Variants in CDH4 observed in about 807,000 individuals in gnomAD.
CDH4 encodes cadherin-4.
In CDH4, 33 loss-of-function variants were observed where a neutral mutation model predicts 86.0. The ratio of observed to expected loss-of-function variants is 0.38; its 90% CI spans 0.29 to 0.51. CDH4 has a LOEUF of 0.51. CDH4 is among the 20% of genes least tolerant of loss of function. The pLI, the probability that CDH4 is intolerant of heterozygous loss-of-function variation, is 0.86. For missense variants in CDH4, 1,114 were observed against 1,307.4 expected, an observed-to-expected ratio of 0.85 and a Z score of 2.28; for synonymous variants, 555 against 549.4, an observed-to-expected ratio of 1.01 and a Z score of -0.14.
intron 2 of CDH4, chr20:61,369,851 T>C (rs949328816): frequency 1.2e-4 from 18 of 152,188 alleles, no homozygotes; most frequent in African/African-American, 3.9e-4. Flanking sequence ...AGAAGGTGCC[T>C]GGCCACACAA....
chr20:61,415,538 T>C (rs1177654052), intron 2 of CDH4, among the ~76,000 whole-genome samples: 3 of 151,922 alleles, frequency 2.0e-5, no homozygotes, highest in African/African-American at 7.3e-5. Context: ...CCAGCCGCAC[T>C]CTCCCCCGCC....
chr20:61,866,945 G>A (rs1279626694), intron 6 of CDH4, among the ~76,000 whole-genome samples: 1 of 152,224 alleles, frequency 6.6e-6, no homozygotes, highest in Non-Finnish European at 1.5e-5. Flanking sequence ...CCAAAGAGGG[G>A]CCTCCCAAAG....
intron 2 of CDH4, among the ~76,000 whole-genome samples, chr20:61,329,424 C>T (rs1193685537): frequency 6.6e-6 from 1 of 151,350 alleles, no homozygotes; most frequent in Non-Finnish European, 1.5e-5. Context: ...GCGTGGAGGG[C>T]ACCCAGGTCC....
intron 2 of CDH4, among the ~76,000 whole-genome samples, chr20:61,600,836 T>A (rs1237225560): frequency 2.0e-5 from 3 of 152,242 alleles, no homozygotes; most frequent in Non-Finnish European, 2.9e-5. Flanking sequence ...CATATTTTTT[T>A]AAATATTTCG....
intron 2 of CDH4, among the ~76,000 whole-genome samples, chr20:61,332,118 C>T (rs2084584999): frequency 6.6e-6 from 1 of 152,192 alleles, no homozygotes; most frequent in South Asian, 2.1e-4. Flanking sequence ...CCCGGCTTCC[C>T]AGAGAAGAGG....
At chr20:61,414,834 C>T (rs1199469876) in intron 2 of CDH4, among the ~76,000 whole-genome samples, 3 of 152,318 alleles carry the variant, frequency 2.0e-5, no homozygotes, top group Admixed American at 6.5e-5. Context: ...CAGCCTGCCT[C>T]CTCCCGTGGT....
At chr20:61,729,123 T>C (rs1198126726) in intron 2 of CDH4, among the ~76,000 whole-genome samples, 29 of 152,002 alleles carry the variant, frequency 1.9e-4, no homozygotes, top group Admixed American at 1.9e-3. Context: ...GACTGCAGCG[T>C]GTTTTGACAA....
At chr20:61,594,918 ATTAG>A (rs1002673720) in intron 2 of CDH4, among the ~76,000 whole-genome samples, 14 of 152,108 alleles carry the variant, frequency 9.2e-5, no homozygotes, top group East Asian at 1.9e-4. Flanking sequence ...GTGGCCATTT[ATTAG>A]TTCTTCATTC....
At chr20:61,928,092 T>C in intron 11 of CDH4, 98 bp from the exon 12 acceptor site, 3 of 900,872 alleles carry the variant, frequency 3.3e-6, no homozygotes, top group Non-Finnish European at 5.4e-6. Flanking sequence ...CCTGTGTATG[T>C]TGCACGTGGT....
intron 2 of CDH4, among the ~76,000 whole-genome samples, chr20:61,523,700 G>A (rs960783889): frequency 5.9e-5 from 9 of 152,202 alleles, no homozygotes; most frequent in South Asian, 4.1e-4. Flanking sequence ...ACACGCTTCC[G>A]CCGCCCATTT....
chr20:61,886,588 C>T (rs1455987897), intron 7 of CDH4, among the ~76,000 whole-genome samples: 9 of 152,198 alleles, frequency 5.9e-5, no homozygotes, highest in Non-Finnish European at 7.3e-5. Context: ...ACACCTCCAT[C>T]GAGGGTTGAC....
At chr20:61,322,146 A>C (rs1012907217) in intron 2 of CDH4, among the ~76,000 whole-genome samples, 2 of 152,096 alleles carry the variant, frequency 1.3e-5, no homozygotes, top group Admixed American at 1.3e-4. Context: ...ATGGTTATTT[A>C]TTCATTCAGT....
intron 2 of CDH4, among the ~76,000 whole-genome samples, chr20:61,455,373 C>T (rs1286738095): frequency 2.6e-5 from 4 of 152,176 alleles, no homozygotes; most frequent in African/African-American, 9.7e-5. Flanking sequence ...AGTGCGAGTG[C>T]CTCAAATCAG....
intron 5 of CDH4, among the ~76,000 whole-genome samples, chr20:61,849,866 G>C (rs1257811242): frequency 2.0e-5 from 3 of 152,174 alleles, no homozygotes; most frequent in Admixed American, 2.0e-4. Context: ...GTAGCCCAGT[G>C]GGGAGGGAAC....
At chr20:61,418,671 C>T (rs528451912) in intron 2 of CDH4, among the ~76,000 whole-genome samples, 26 of 152,258 alleles carry the variant, frequency 1.7e-4, no homozygotes, top group East Asian at 5.8e-4. Flanking sequence ...TACAAAGCGC[C>T]GTCAGTTGGG....
At chr20:61,321,257 A>G (rs958406523) in intron 2 of CDH4, among the ~76,000 whole-genome samples, 3 of 152,200 alleles carry the variant, frequency 2.0e-5, no homozygotes, top group Non-Finnish European at 4.4e-5. Flanking sequence ...TGGGAAATGA[A>G]TAGAGTCTTC....
intron 2 of CDH4, among the ~76,000 whole-genome samples, chr20:61,428,006 G>A (rs1446297021): frequency 6.6e-6 from 1 of 152,152 alleles, no homozygotes; most frequent in Non-Finnish European, 1.5e-5. Context: ...AACTACTGAG[G>A]AGTGAATGAA....
intron 5 of CDH4, among the ~76,000 whole-genome samples, chr20:61,849,947 C>T (rs1348137124): frequency 6.6e-6 from 1 of 152,216 alleles, no homozygotes; most frequent in African/African-American, 2.4e-5. Context: ...CCTACCTCCC[C>T]AGTGTCTTTA....
intron 2 of CDH4, among the ~76,000 whole-genome samples, chr20:61,678,190 GATGC>G (rs2087468186): frequency 6.6e-6 from 1 of 151,740 alleles, no homozygotes; most frequent in South Asian, 2.1e-4. Flanking sequence ...TACATAGATA[GATGC>G]ATGCATGCAT....
Sources: gnomAD v4.1 joint callset for allele counts (sites outside exome capture counted in the v4.1 genomes callset) on GRCh38, gnomAD v4.1.1 for gene constraint, MANE v1.5 for transcripts, NCBI Gene and HGNC (gene_info 2026-07-23, HGNC 2026-07-21) for gene names.